The following RIF1 variants were observed in gnomAD, a reference collection of about 807,000 sequenced individuals.
RIF1 encodes replication timing regulatory factor 1, also known as telomere-associated protein RIF1.
Under a neutral mutation model 247.1 loss-of-function variants are expected in RIF1, and 45 were observed. The ratio of observed to expected loss-of-function variants is 0.18; its 90% CI spans 0.14 to 0.23. The LOEUF is 0.23. Ranked by LOEUF, RIF1 falls within the 10% of genes least tolerant of loss-of-function variation. The pLI is 1.00. For synonymous variants in RIF1, 1,087 were observed against 978.8 expected, an observed-to-expected ratio of 1.11 and a Z score of -2.06; for missense variants, 2,967 against 2,862.5, an observed-to-expected ratio of 1.04 and a Z score of -0.83.
chr2:151,467,898 A>G (rs1229765627), intron 30 of RIF1, 102 bp from the exon 31 acceptor site: 3 of 1,141,794 alleles, frequency 2.6e-6, no homozygotes, highest in Non-Finnish European at 2.5e-6. Context: ...TAAATTTTCT[A>G]AACCCACATT....
chr2:151,514,955 G>C, the RIF1 span: 2 of 1,404,502 alleles, frequency 1.4e-6, no homozygotes, highest in Non-Finnish European at 2.0e-6. Context: ...GGAAAGACAA[G>C]TTAAAAAAAA....
chr2:151,516,318 G>A, the RIF1 span: 2 of 575,508 alleles, frequency 3.5e-6, no homozygotes, highest in Non-Finnish European at 6.3e-6. Flanking sequence ...TTCTGAGATG[G>A]AGAAGATTTT....
chr2:151,441,425 A>C (rs1403706097), intron 15 of RIF1, among the ~76,000 whole-genome samples: 1 of 152,236 alleles, frequency 6.6e-6, no homozygotes, highest in Non-Finnish European at 1.5e-5. Flanking sequence ...AAAATGGTTG[A>C]ATAAATAATG....
chr2:151,524,741 A>G, the RIF1 span: 3 of 745,630 alleles, frequency 4.0e-6, no homozygotes, highest in Non-Finnish European at 6.3e-6. Context: ...ATCTCAGCTC[A>G]CTGCAACTTC....
At chr2:151,437,210 T>C (rs1446251341) in intron 12 of RIF1, 31 bp from the exon 13 acceptor site, 3 of 1,508,392 alleles carry the variant, frequency 2.0e-6, no homozygotes, top group Non-Finnish European at 2.8e-6. Flanking sequence ...TCTGTTGTTT[T>C]ACATAATTAT....
In RIF1 at chr2:151,476,255, A is replaced by G. The variant is rs1416270210; in HGVS notation, c.*1184A>G. ...CTTTTTAAACCTTCATTTAAAAGCAAACTTGGAAGAAATTTGAAACTGATG... is the reference window on the plus strand; with the variant it reads ...CTTTTTAAACCTTCATTTAAAAGCAGACTTGGAAGAAATTTGAAACTGATG... On this transcript the variant is annotated 3_prime_UTR_variant, in exon 36 of 36. Coordinates refer to ENST00000444746, the MANE Select transcript of RIF1 (RefSeq NM_018151.5). 1.3e-5 allele frequency: 2 copies of G among 152,192 alleles called. No individual in the cohort carries two copies. Among genetic ancestry groups the G allele is most frequent in the African/African-American group, 2.4e-5 (1 of 41,434 alleles). The allele number at this position is 152,192 out of a possible 1,614,324, so 9.4% of individuals were successfully genotyped here. A position where few individuals can be genotyped will look rare whatever the true frequency, so the allele number is the denominator to read the frequency against.
At position 151,506,154 on chromosome 2, in the gene RIF1, CTG is replaced by C. The variant is rs772001300; in HGVS notation, c.*862-52_*862-51del. ...GCAGAAAATATTGCAAGTGCATTCA[CTG>C]TGTCTTTACCGAGCTAATGTGGTCC... On this transcript the variant is annotated intron_variant and NMD_transcript_variant, in intron 12 of 13. Coordinates refer to the RIF1 transcript ENST00000454583. 142 of 1,594,416 alleles carry C rather than the reference CTG, an allele frequency of 8.9e-5. No individual in the cohort carries two copies. In the Admixed American group the frequency reaches 2.3e-3, roughly 26 times the overall value.
chr2:151,464,623 G>T lies in RIF1; in HGVS notation c.5103G>T (p.Gly1701=), dbSNP rs1045205115. The change falls in exon 30 of 36, where the codon GGG becomes GGT. Residue 1701 remains glycine (G), a synonymous_variant. Coordinates refer to ENST00000444746, the MANE Select transcript of RIF1 (RefSeq NM_018151.5). The part of the protein sequence containing the change: ...NCSLGESSKI[G]ISDISSLSEK... ...GTTTGGGAGAATCCTCAAAAATAGG[G>T]ATATCAGATATTTCTTCGCTTTCAG... The T allele has an allele frequency of 2.5e-6, 4 of 1,613,532 alleles. No individual in the cohort carries two copies. In the East Asian group the frequency reaches 8.9e-5, roughly 36 times the overall value.
intron 21 of RIF1, 115 bp from the exon 22 acceptor site, chr2:151,454,780 G>T: frequency 1.5e-6 from 1 of 667,478 alleles, no homozygotes; most frequent in Non-Finnish European, 2.4e-6. Flanking sequence ...GTCAGCAAAC[G>T]GACATGTATT....
chr2:151,460,728 A>G (rs1293782185), intron 26 of RIF1, among the ~76,000 whole-genome samples: 2 of 152,224 alleles, frequency 1.3e-5, no homozygotes, highest in Admixed American at 6.5e-5. Context: ...GTTCCAATGA[A>G]CATTTATTAA....
chr2:151,439,964 C>A (rs1414797967), intron 14 of RIF1, 63 bp from the exon 15 acceptor site: 8 of 648,300 alleles, frequency 1.2e-5, no homozygotes, highest in Non-Finnish European at 1.7e-5. Context: ...CAGAGCAAGA[C>A]CCTGTCTCAA....
At chr2:151,470,176 T>C (rs1033310572) in intron 34 of RIF1, among the ~76,000 whole-genome samples, 24 of 151,828 alleles carry the variant, frequency 1.6e-4, no homozygotes, top group Admixed American at 1.5e-3. Flanking sequence ...TTGGTTTGGA[T>C]GCCTACCACA....
intron 17 of RIF1, 86 bp from the exon 18 acceptor site, chr2:151,443,443 T>C: frequency 7.2e-7 from 1 of 1,390,202 alleles, no homozygotes; most frequent in Non-Finnish European, 9.8e-7. Flanking sequence ...CGTTAACTTT[T>C]TGTCAGTTAT....
intron 24 of RIF1, among the ~76,000 whole-genome samples, chr2:151,458,226 A>T (rs2432950): frequency 0.07 from 6,980 of 99,672 alleles, 748 homozygotes; most frequent in African/African-American, 0.23. Flanking sequence ...GAAATAGATG[A>T]TTTTTTTTTT....
intron 25 of RIF1, 94 bp downstream of exon 25, chr2:151,459,004 TTG>T: frequency 2.8e-6 from 2 of 705,172 alleles, no homozygotes; most frequent in Non-Finnish European, 4.6e-6. Flanking sequence ...GAAAAGAGTT[TTG>T]TAACATAGGC....
At chr2:151,517,101 T>G in the RIF1 span, among the ~76,000 whole-genome samples, 1 of 152,098 alleles carries the variant, frequency 6.6e-6, no homozygotes, top group South Asian at 2.1e-4. Context: ...AGCCAATAAA[T>G]TGGTATAAAA....
the RIF1 span, among the ~76,000 whole-genome samples, chr2:151,523,399 G>A: frequency 6.6e-6 from 1 of 152,152 alleles, no homozygotes. Context: ...GGAATCCCAT[G>A]TTTGCTATTG....
chr2:151,476,977 G>A lies in RIF1; in HGVS notation c.*1906G>A, dbSNP rs182311232. On this transcript the variant is annotated 3_prime_UTR_variant, in exon 36 of 36. Coordinates refer to ENST00000444746, the MANE Select transcript of RIF1 (RefSeq NM_018151.5). ...GATTGAATGAAATTCTTGGGAAGCC[G>A]AACAGTAATAGCAGAAAATGTGACC... The A allele has an allele frequency of 9.9e-5, 15 of 152,256 alleles. No homozygotes were observed. Among genetic ancestry groups the A allele is most frequent in the African/African-American group, 2.4e-4 (10 of 41,552 alleles). The allele number at this position is 152,256 out of a possible 1,614,324, so 9.4% of individuals were successfully genotyped here.
At chr2:151,531,003 T>A in the RIF1 span, 1 of 1,610,568 alleles carries the variant, frequency 6.2e-7, no homozygotes, top group Non-Finnish European at 8.5e-7. Flanking sequence ...CATCACTGAC[T>A]TCATCTTTAA....
Sources: allele counts gnomAD v4.1 joint callset (sites outside exome capture counted in the v4.1 genomes callset), GRCh38; gene constraint gnomAD v4.1.1; transcripts MANE v1.5; gene names NCBI Gene and HGNC (gene_info 2026-07-23, HGNC 2026-07-21).